Variants in BCL11B observed in about 807,000 individuals in gnomAD.
BCL11B encodes B-cell lymphoma/leukemia 11B.
A neutral mutation model predicts 49.9 loss-of-function variants in BCL11B; 8 were observed. The observed-to-expected ratio is 0.16, with a 90% CI of 0.09 to 0.29. The LOEUF (loss-of-function observed/expected upper bound fraction) is 0.29, where lower values mean the gene tolerates loss of function less well. Ranked by LOEUF, BCL11B falls within the 10% of genes least tolerant of loss-of-function variation. BCL11B has a pLI of 1.00. For synonymous variants in BCL11B, 739 were observed against 637.4 expected, an observed-to-expected ratio of 1.16 and a Z score of -2.40; for missense variants, 1,006 against 1,351.0, an observed-to-expected ratio of 0.74 and a Z score of 4.00.
chr14:99,174,946 G>A lies in BCL11B; in HGVS notation c.1890C>T (p.Gly630=), dbSNP rs781781969. The stretch of plus-strand genomic sequence containing the variant: ...CGTCGTCGTCGTCGCCCGCGTCCCC[G>A]CCGCCCGCCGCACGCTTCAGGAAGG... ...RGAFLKRAAG[G]GDAGDDDDAG... Residue 630 remains glycine (G), a synonymous_variant, in exon 4 of 4, where the codon GGC becomes GGT. Coordinates refer to ENST00000357195, the MANE Select transcript of BCL11B (RefSeq NM_138576.4). 7 of 1,431,608 alleles carry A rather than the reference G, an allele frequency of 4.9e-6. No homozygotes were observed. The South Asian group carries it at 5.3e-5, about 11-fold the overall frequency. 88.7% of individuals were successfully genotyped at this position (1,431,608 alleles called of 1,614,324 possible).
chr14:99,186,772 ACT>A (rs1293720669), intron 3 of BCL11B, among the ~76,000 whole-genome samples: 2 of 152,230 alleles, frequency 1.3e-5, no homozygotes, highest in African/African-American at 2.4e-5. Context: ...CTCAAGGCCT[ACT>A]CAAGTCAAGA....
intron 3 of BCL11B, among the ~76,000 whole-genome samples, chr14:99,211,663 C>T (rs144793095): frequency 1.7e-4 from 26 of 152,096 alleles, no homozygotes; most frequent in Admixed American, 8.5e-4. Flanking sequence ...TCGAGTCCAT[C>T]GTCCTTACTT....
In BCL11B at chr14:99,257,613, C is replaced by G; in HGVS notation, c.285G>C (p.Lys95Asn). 6.2e-7 allele frequency: 1 copy of G among 1,614,108 alleles called. No homozygotes were observed. The highest frequency in any genetic ancestry group is 8.5e-7 in the Non-Finnish European group (1 of 1,179,964). ...AGCGTGAGGAGGGTGGCGGGCTGTC[C>G]TTGTCCAGGGCCTTGTCATAGCAGG... ...LGACYDKALDKDSPPPSSRSE... is the reference protein window; with the variant it reads ...LGACYDKALDNDSPPPSSRSE... The change falls in exon 2 of 4, where the codon AAG becomes AAC. Residue 95 changes from lysine to asparagine, a missense_variant. By Grantham distance (94) the Lys-to-Asn change is moderately conservative. This residue lies in a region of BCL11B where 411 missense variants were observed against 542.2 expected (regional missense o/e 0.76). Transcript: ENST00000357195. This position sits in a 1 kb window ranked among gnomAD's most constrained non-coding sequence, Gnocchi z 6.2.
At chr14:99,176,322 C>G (rs1376189440) in intron 3 of BCL11B, 127 bp from the exon 4 acceptor site, 7 of 839,520 alleles carry the variant, frequency 8.3e-6, no homozygotes, top group Non-Finnish European at 1.2e-5. Flanking sequence ...CCCTGCCTGA[C>G]AGGGGCTGCA....
chr14:99,200,417 A>G (rs560314661), intron 3 of BCL11B, among the ~76,000 whole-genome samples: 35 of 152,350 alleles, frequency 2.3e-4, no homozygotes, highest in African/African-American at 8.2e-4. Context: ...GCCAGGGGAC[A>G]TGAGCAGTGC....
At chr14:99,239,654 AT>A (rs1888605975) in intron 2 of BCL11B, among the ~76,000 whole-genome samples, 1 of 152,188 alleles carries the variant, frequency 6.6e-6, no homozygotes, top group African/African-American at 2.4e-5. Flanking sequence ...ACCTTTTTCT[AT>A]CCCCTCAGCA....
At chr14:99,224,742 T>A (rs1011099761) in intron 3 of BCL11B, among the ~76,000 whole-genome samples, 5 of 151,992 alleles carry the variant, frequency 3.3e-5, no homozygotes, top group African/African-American at 1.2e-4. Context: ...ATTTTACAGG[T>A]GGGGACACTG....
chr14:99,230,649 C>T (rs1223808070), intron 3 of BCL11B, among the ~76,000 whole-genome samples: 7 of 152,182 alleles, frequency 4.6e-5, no homozygotes, highest in African/African-American at 1.7e-4. Context: ...GTCACCACAC[C>T]GGCCCATCTG....
chr14:99,234,741 G>A (rs573893961), intron 2 of BCL11B, among the ~76,000 whole-genome samples: 1 of 151,170 alleles, frequency 6.6e-6, no homozygotes, highest in African/African-American at 2.4e-5. Flanking sequence ...CCTTTCCAAG[G>A]CATCATCGCT....
intron 3 of BCL11B, among the ~76,000 whole-genome samples, chr14:99,227,176 C>CT: frequency 6.6e-6 from 1 of 152,346 alleles, no homozygotes; most frequent in Admixed American, 6.5e-5. Flanking sequence ...AGGCTAAATA[C>CT]TTTTAAGAAT....
At chr14:99,222,469 C>T (rs891384797) in intron 3 of BCL11B, among the ~76,000 whole-genome samples, 1 of 152,178 alleles carries the variant, frequency 6.6e-6, no homozygotes, top group Non-Finnish European at 1.5e-5. Context: ...TGAGCCTGGT[C>T]GAGGAAATCG....
rs1888216446 is a variant in BCL11B, at chr14:99,228,317, C to T, written c.640+3028G>A. Among the ~76,000 whole-genome samples, 1 of 152,184 alleles carries T rather than the reference C, an allele frequency of 6.6e-6. No homozygotes were observed. The highest frequency in any genetic ancestry group is 6.5e-5 in the Admixed American group (1 of 15,284). On this transcript the variant is annotated intron_variant, in intron 3 of 3. Transcript: ENST00000357195. The surrounding 1 kb of genome is among the most constrained non-coding windows in gnomAD (Gnocchi z 4.8). ...AAACACTTAAGCAAACAGCCCAGTG[C>T]CAGGGACACAAATCACAAAGGGACA...
chr14:99,252,586 G>A (rs2614482), intron 2 of BCL11B, among the ~76,000 whole-genome samples: 128,433 of 152,172 alleles, frequency 0.84, 56,321 homozygotes, highest in Non-Finnish European at 0.97. Context: ...GGTAGATCCC[G>A]CGTCCTCCCT....
chr14:99,229,177 G>C (rs1888257453), intron 3 of BCL11B, among the ~76,000 whole-genome samples: 1 of 152,098 alleles, frequency 6.6e-6, no homozygotes. Flanking sequence ...GACGTGAGCT[G>C]TGAGAACTCA....
chr14:99,179,612 C>G (rs1013865201), intron 3 of BCL11B, among the ~76,000 whole-genome samples: 3 of 152,048 alleles, frequency 2.0e-5, no homozygotes, highest in African/African-American at 7.2e-5. Flanking sequence ...GCCACCCGTC[C>G]TGCCTGGAAA....
At chr14:99,207,602 T>A (rs1312679525) in intron 3 of BCL11B, among the ~76,000 whole-genome samples, 1 of 152,222 alleles carries the variant, frequency 6.6e-6, no homozygotes, top group Non-Finnish European at 1.5e-5. Flanking sequence ...AGGCACAATC[T>A]GTGCCCTGGA....
rs984587617 is a variant in BCL11B at position 99,232,402 on chromosome 14, T to A, written c.428-845A>T. On this transcript the variant is annotated intron_variant, in intron 2 of 3. Transcript: ENST00000357195. This position sits in a 1 kb window ranked among gnomAD's most constrained non-coding sequence, Gnocchi z 5.1. ...CTAAGAGACCACCAGGGCAAAACAT[T>A]TGTGTGAAGCCCTTGCCAAAACCAC... Among the ~76,000 whole-genome samples, 6 of 152,200 alleles carry A rather than the reference T, an allele frequency of 3.9e-5. No individual in the cohort carries two copies. Among genetic ancestry groups the A allele is most frequent in the African/African-American group, 7.2e-5 (3 of 41,464 alleles).
chr14:99,227,795 G>C (rs1888200469), intron 3 of BCL11B, among the ~76,000 whole-genome samples: 1 of 152,136 alleles, frequency 6.6e-6, no homozygotes, highest in Non-Finnish European at 1.5e-5. Context: ...TGACCCCACA[G>C]CCACTGTGCC....
chr14:99,234,173 G>A (rs1888420632), intron 2 of BCL11B, among the ~76,000 whole-genome samples: 1 of 152,106 alleles, frequency 6.6e-6, no homozygotes, highest in Non-Finnish European at 1.5e-5. Context: ...GGGTGTGAGG[G>A]GTGGCTAATG....
Sources: gnomAD v4.1 joint callset for allele counts (sites outside exome capture counted in the v4.1 genomes callset) on GRCh38, gnomAD v4.1.1 for gene constraint, gnomAD v4.1.1 regional missense constraint, Gnocchi (gnomAD v3.1) non-coding constraint, MANE v1.5 for transcripts, NCBI Gene and HGNC (gene_info 2026-07-23, HGNC 2026-07-21) for gene names.